ISX: variants seen among roughly 807,000 people sequenced by gnomAD.
ISX encodes intestine-specific homeobox.
A neutral mutation model predicts 16.9 loss-of-function variants in ISX; 15 were observed. The ratio of observed to expected loss-of-function variants is 0.89; its 90% CI spans 0.59 to 1.36. The LOEUF (loss-of-function observed/expected upper bound fraction) is 1.36, where lower values mean the gene tolerates loss of function less well. Ranked by LOEUF, ISX falls within the 40% of genes most tolerant of loss-of-function variation. ISX has a pLI of 0.00. For synonymous variants in ISX, 125 were observed against 119.7 expected, an observed-to-expected ratio of 1.04 and a Z score of -0.29; for missense variants, 316 against 306.1, an observed-to-expected ratio of 1.03 and a Z score of -0.24.
In ISX at chr22:35,085,359, C is replaced by A. The variant is rs5995055; in HGVS notation, c.499-95C>A. On this transcript the variant is annotated intron_variant, in intron 4 of 4. Coordinates refer to ENST00000404699, the MANE Select transcript of ISX (RefSeq NM_001303508.2). ...AACCAGAACAAGTGGATCACACTAC[C>A]CACTCTTAGCTGCCCAAGCCATGGA... 4.1e-4 allele frequency: 593 copies of A among 1,458,072 alleles called. 8 individuals carry two copies. In the African/African-American group the frequency reaches 6.8e-3, roughly 17 times the overall value. 90.3% of individuals were successfully genotyped at this position (1,458,072 alleles called of 1,614,324 possible). A position where few individuals can be genotyped will look rare whatever the true frequency, so the allele number is the denominator to read the frequency against.
At position 35,086,185 on chromosome 22, in the gene ISX, A is replaced by C. The variant is rs1479780643; in HGVS notation, c.*492A>C. The C allele has an allele frequency of 5.1e-6, 1 of 197,864 alleles. No homozygotes were observed. The highest frequency in any genetic ancestry group is 1.0e-5 in the Non-Finnish European group (1 of 95,746). 12.3% of individuals were successfully genotyped at this position (197,864 alleles called of 1,614,324 possible). A position where few individuals can be genotyped will look rare whatever the true frequency, so the allele number is the denominator to read the frequency against. On this transcript the variant is annotated 3_prime_UTR_variant, in exon 5 of 5. Coordinates refer to ENST00000404699, the MANE Select transcript of ISX (RefSeq NM_001303508.2). The stretch of plus-strand genomic sequence containing the variant: ...CATGAGTACCTACTGAGGACTCCAT[A>C]AACAGAACGGGATACAGAGATAAAC...
chr22:35,070,888 T>A (rs1459847888), intron 2 of ISX, among the ~76,000 whole-genome samples: 1 of 152,248 alleles, frequency 6.6e-6, no homozygotes, highest in Non-Finnish European at 1.5e-5. Flanking sequence ...GATGGTCAGA[T>A]GGTCTCTGTC....
At chr22:35,076,671 C>A (rs1007671748) in intron 2 of ISX, among the ~76,000 whole-genome samples, 1 of 152,156 alleles carries the variant, frequency 6.6e-6, no homozygotes, top group African/African-American at 2.4e-5. Flanking sequence ...CAACCAGGAC[C>A]AATTAGCAGA....
chr22:35,072,311 C>G (rs966455160), intron 2 of ISX, among the ~76,000 whole-genome samples: 10 of 152,180 alleles, frequency 6.6e-5, no homozygotes, highest in African/African-American at 2.4e-4. Context: ...CCCAAAAAAG[C>G]AGACCCTAAA....
At chr22:35,074,898 C>T (rs951935506) in intron 2 of ISX, among the ~76,000 whole-genome samples, 4 of 152,142 alleles carry the variant, frequency 2.6e-5, no homozygotes, top group East Asian at 3.9e-4. Flanking sequence ...ACGCAACACA[C>T]GCACACATGC....
At position 35,086,293 on chromosome 22, in the gene ISX, T is replaced by C. The variant is rs1327994138; in HGVS notation, c.*600T>C. On this transcript the variant is annotated 3_prime_UTR_variant, in exon 5 of 5. Coordinates refer to ENST00000404699, the MANE Select transcript of ISX (RefSeq NM_001303508.2). ...AACACTTGCTCAACAACCTTGCTGT[T>C]GGCCCAAGTCTAACACATTCTTTAT... The C allele has an allele frequency of 6.3e-6, 1 of 157,762 alleles. No individual in the cohort carries two copies. The highest frequency in any genetic ancestry group is 2.4e-5 in the African/African-American group (1 of 41,490). 9.8% of individuals were successfully genotyped at this position (157,762 alleles called of 1,614,324 possible). A position where few individuals can be genotyped will look rare whatever the true frequency, so the allele number is the denominator to read the frequency against.
At chr22:35,078,884 G>T (rs373794026) in intron 2 of ISX, among the ~76,000 whole-genome samples, 1 of 152,298 alleles carries the variant, frequency 6.6e-6, no homozygotes, top group African/African-American at 2.4e-5. Flanking sequence ...TCCCAGAGAC[G>T]GAGGATTACA....
intron 2 of ISX, 91 bp from the exon 3 acceptor site, chr22:35,082,427 G>C: frequency 1.6e-6 from 2 of 1,260,316 alleles, no homozygotes; most frequent in Non-Finnish European, 2.3e-6. Context: ...GAGCAGCAGT[G>C]GGGTGGAAGG....
chr22:35,067,255 C>T lies in ISX; in HGVS notation c.168C>T (p.Gly56=), dbSNP rs1186546550. The change falls in exon 2 of 5, where the codon GGC becomes GGT. Residue 56 remains glycine, a synonymous_variant. Coordinates refer to ENST00000404699, the MANE Select transcript of ISX (RefSeq NM_001303508.2). ...GACCAGAAGGGCCAGGTGAAGAGGG[C>T]CCCGGAGAAGCTGCGGCCTCAGGCT... ...MDRPEGPGEE[G]PGEAAASGSG... is the part of the protein sequence containing the mutation. 1 of 1,605,338 alleles carries T rather than the reference C, an allele frequency of 6.2e-7. No individual in the cohort carries two copies. Among genetic ancestry groups the T allele is most frequent in the South Asian group, 1.1e-5 (1 of 89,164 alleles).
At chr22:35,077,155 A>G (rs1017333703) in intron 2 of ISX, among the ~76,000 whole-genome samples, 1 of 152,210 alleles carries the variant, frequency 6.6e-6, no homozygotes, top group African/African-American at 2.4e-5. Flanking sequence ...CTGGTGATTG[A>G]GAATCCTATC....
chr22:35,085,585 AAC>A lies in ISX; in HGVS notation c.634_635del (p.Gln212AlafsTer43). 6.2e-7 allele frequency: 1 copy of A among 1,614,216 alleles called. No individual in the cohort carries two copies. The highest frequency in any genetic ancestry group is 8.5e-7 in the Non-Finnish European group (1 of 1,180,040). ...ITLLPAHPWE[T>X]QPVPGLPIHQ... The stretch of plus-strand genomic sequence containing the variant: ...CCCTCCTCCCAGCGCACCCATGGGA[AAC>A]ACAGCCTGTCCCAGGTCTTCCCATC... On this transcript the variant is annotated frameshift_variant, in exon 5 of 5. Transcript: ENST00000404699. LOFTEE classifies it low-confidence loss of function (END_TRUNC).
At chr22:35,075,617 A>T (rs1271162164) in intron 2 of ISX, among the ~76,000 whole-genome samples, 1 of 152,206 alleles carries the variant, frequency 6.6e-6, no homozygotes, top group Non-Finnish European at 1.5e-5. Flanking sequence ...AAATTTTTTT[A>T]AATACGTAAG....
At chr22:35,084,624 A>G in intron 4 of ISX, 125 bp downstream of exon 4, 3 of 592,674 alleles carry the variant, frequency 5.1e-6, no homozygotes, top group South Asian at 2.3e-5. Context: ...GGAAAATTAT[A>G]TTAGAAACAG....
At chr22:35,083,127 T>C (rs1929162170) in intron 3 of ISX, among the ~76,000 whole-genome samples, 1 of 152,232 alleles carries the variant, frequency 6.6e-6, no homozygotes, top group Non-Finnish European at 1.5e-5. Context: ...AGAAAATATG[T>C]AAACACACTT....
intron 4 of ISX, 84 bp from the exon 5 acceptor site, chr22:35,085,370 T>G: frequency 6.5e-7 from 1 of 1,547,986 alleles, no homozygotes. Flanking sequence ...CACTCTTAGC[T>G]GCCCAAGCCA....
intron 3 of ISX, among the ~76,000 whole-genome samples, 175 bp from the exon 4 acceptor site, chr22:35,084,208 C>T (rs539192666): frequency 3.8e-4 from 58 of 152,356 alleles, no homozygotes; most frequent in African/African-American, 1.4e-3. Context: ...AGGTGGAAAC[C>T]CCGGTTCCCT....
intron 2 of ISX, among the ~76,000 whole-genome samples, chr22:35,071,022 T>G (rs1928838161): frequency 6.6e-6 from 1 of 152,202 alleles, no homozygotes; most frequent in Non-Finnish European, 1.5e-5. Context: ...GATTTGGCCC[T>G]CATGCTGCAG....
intron 4 of ISX, 68 bp downstream of exon 4, chr22:35,084,567 G>A (rs898714330): frequency 9.3e-6 from 10 of 1,070,076 alleles, no homozygotes; most frequent in Non-Finnish European, 1.4e-5. Context: ...GTCAGACCCA[G>A]ATGTGAAGAA....
chr22:35,077,459 A>G (rs2146291943), intron 2 of ISX, among the ~76,000 whole-genome samples: 1 of 152,002 alleles, frequency 6.6e-6, no homozygotes, highest in South Asian at 2.1e-4. Context: ...CCTCATTTCC[A>G]TGACTCCAGG....
Sources: allele counts gnomAD v4.1 joint callset (sites outside exome capture counted in the v4.1 genomes callset), GRCh38; gene constraint gnomAD v4.1.1; transcripts MANE v1.5; gene names NCBI Gene and HGNC (gene_info 2026-07-23, HGNC 2026-07-21).